The following NRG3 variants were observed in gnomAD, a reference collection of about 807,000 sequenced individuals.
NRG3 encodes the protein neuregulin 3, also known as pro-neuregulin-3, membrane-bound isoform.
In NRG3, 31 loss-of-function variants were observed where a neutral mutation model predicts 66.9. The ratio of observed to expected loss-of-function variants is 0.46; its 90% confidence interval spans 0.35 to 0.63. The LOEUF (loss-of-function observed/expected upper bound fraction) is 0.63, where lower values mean the gene tolerates loss of function less well. NRG3 is among the 20% of genes least tolerant of loss of function. The pLI is 0.00. For synonymous variants in NRG3, 393 were observed against 359.4 expected (o/e 1.09, Z -1.06); for missense variants, 910 against 878.9 (o/e 1.04, Z -0.45).
chr10:82,956,646 T>C (rs1170664637), intron 5 of NRG3, among the ~76,000 whole-genome samples: 1 of 151,966 alleles, frequency 6.6e-6, no homozygotes, highest in African/African-American at 2.4e-5. Context: ...GCAAACATCA[T>C]TAAGTGTTTC....
chr10:82,952,039 T>C (rs1849562205), intron 5 of NRG3, among the ~76,000 whole-genome samples: 1 of 152,242 alleles, frequency 6.6e-6, no homozygotes, highest in Non-Finnish European at 1.5e-5. Flanking sequence ...CTAAAAAATA[T>C]ACTTCAGTTT....
chr10:82,724,140 G>A (rs2057462608), intron 2 of NRG3, among the ~76,000 whole-genome samples: 1 of 150,180 alleles, frequency 6.7e-6, no homozygotes, highest in Non-Finnish European at 1.5e-5. Context: ...TAATTCCCTG[G>A]TTTTCCCCCA....
intron 1 of NRG3, among the ~76,000 whole-genome samples, chr10:81,924,166 C>T (rs1447974642): frequency 6.6e-6 from 1 of 152,094 alleles, no homozygotes; most frequent in Non-Finnish European, 1.5e-5. Flanking sequence ...CTGGTGGTGA[C>T]TATAGGAGGC....
At chr10:82,758,597 A>G (rs571340344) in intron 3 of NRG3, among the ~76,000 whole-genome samples, 1 of 152,222 alleles carries the variant, frequency 6.6e-6, no homozygotes, top group East Asian at 1.9e-4. Flanking sequence ...GGACTTCAGT[A>G]TTTTAGCAGG....
intron 3 of NRG3, among the ~76,000 whole-genome samples, chr10:82,822,527 T>C (rs1259300931): frequency 6.6e-6 from 1 of 151,972 alleles, no homozygotes; most frequent in Non-Finnish European, 1.5e-5. Flanking sequence ...CTCTACACAA[T>C]TGTTCTGAAG....
At chr10:82,389,235 G>T (rs916897515) in intron 2 of NRG3, among the ~76,000 whole-genome samples, 1 of 152,120 alleles carries the variant, frequency 6.6e-6, no homozygotes, top group Non-Finnish European at 1.5e-5. Context: ...AATTCAACTC[G>T]CAAATTTCTG....
At chr10:82,180,413 C>T (rs1483533033) in intron 1 of NRG3, among the ~76,000 whole-genome samples, 1 of 151,600 alleles carries the variant, frequency 6.6e-6, no homozygotes, top group Non-Finnish European at 1.5e-5. Flanking sequence ...TTGGTAATTT[C>T]CTTCTATTCC....
intron 2 of NRG3, among the ~76,000 whole-genome samples, chr10:82,598,684 T>A (rs1339371872): frequency 6.6e-6 from 1 of 152,198 alleles, no homozygotes; most frequent in African/African-American, 2.4e-5. Flanking sequence ...CTTTGCTTTG[T>A]GAAATACTGT....
At chr10:82,232,588 A>C in intron 1 of NRG3, 1 of 591,172 alleles carries the variant, frequency 1.7e-6, no homozygotes, top group East Asian at 2.8e-5. Flanking sequence ...TTACTAATAC[A>C]GACTTTCATT....
intron 4 of NRG3, among the ~76,000 whole-genome samples, chr10:82,924,179 A>G: frequency 6.6e-6 from 1 of 151,966 alleles, no homozygotes; most frequent in Non-Finnish European, 1.5e-5. Context: ...GGCAGAAAGC[A>G]CTAAACAAAT....
At chr10:82,572,495 A>C (rs1385160156) in intron 2 of NRG3, among the ~76,000 whole-genome samples, 1 of 151,760 alleles carries the variant, frequency 6.6e-6, no homozygotes, top group Non-Finnish European at 1.5e-5. Flanking sequence ...AATAGTTCTG[A>C]AAAACAGTCA....
intron 2 of NRG3, among the ~76,000 whole-genome samples, chr10:82,620,765 G>A (rs1023326785): frequency 9.2e-5 from 14 of 152,114 alleles, no homozygotes; most frequent in African/African-American, 3.1e-4. Flanking sequence ...GTTTCACCAG[G>A]GACTCACCCA....
chr10:82,225,458 G>A (rs2076124888), intron 1 of NRG3: 1 of 151,706 alleles, frequency 6.6e-6, no homozygotes, highest in Admixed American at 6.6e-5. Context: ...GTGAGAGGAT[G>A]CTCAGCAGGT....
At chr10:82,825,771 G>T (rs2062174393) in intron 3 of NRG3, among the ~76,000 whole-genome samples, 1 of 152,128 alleles carries the variant, frequency 6.6e-6, no homozygotes, top group South Asian at 2.1e-4. Flanking sequence ...TGTAGCAATT[G>T]TTACCATGTA....
At chr10:82,401,008 A>T (rs1384270067) in intron 2 of NRG3, among the ~76,000 whole-genome samples, 1 of 152,160 alleles carries the variant, frequency 6.6e-6, no homozygotes, top group Non-Finnish European at 1.5e-5. Flanking sequence ...TGAGATGTGC[A>T]CAAGGATGAC....
intron 1 of NRG3, among the ~76,000 whole-genome samples, chr10:81,884,203 A>G (rs896411049): frequency 8.5e-5 from 13 of 152,166 alleles, no homozygotes; most frequent in African/African-American, 2.9e-4. Context: ...TTATAGTGTC[A>G]CTATATCCAT....
chr10:82,606,551 T>C (rs546609499), intron 2 of NRG3, among the ~76,000 whole-genome samples: 1 of 152,260 alleles, frequency 6.6e-6, no homozygotes, highest in African/African-American at 2.4e-5. Flanking sequence ...TTGCTGTTCA[T>C]TTAAACTATG....
intron 1 of NRG3, among the ~76,000 whole-genome samples, chr10:82,060,729 T>C (rs551813665): frequency 7.0e-4 from 107 of 152,328 alleles, no homozygotes; most frequent in African/African-American, 2.5e-3. Flanking sequence ...AGTGGAATTA[T>C]TGGTGCCTCT....
At chr10:82,004,937 G>A (rs771809812) in intron 1 of NRG3, among the ~76,000 whole-genome samples, 1 of 152,226 alleles carries the variant, frequency 6.6e-6, no homozygotes, top group Non-Finnish European at 1.5e-5. Flanking sequence ...AAGCCACTAA[G>A]TCTGTGGTGT....
Sources: allele counts gnomAD v4.1 joint callset (sites outside exome capture counted in the v4.1 genomes callset), GRCh38; gene constraint gnomAD v4.1.1; transcripts MANE v1.5; gene names NCBI Gene and HGNC (gene_info 2026-07-23, HGNC 2026-07-21).